WDFY3: variants seen among roughly 807,000 people sequenced by gnomAD.
WDFY3 encodes WD repeat and FYVE domain-containing protein 3.
Under a neutral mutation model 409.6 loss-of-function variants are expected in WDFY3, and 66 were observed. That is an observed-to-expected ratio of 0.16 (90% CI 0.13 to 0.20). WDFY3 has a LOEUF of 0.20. Among genes scored for constraint, WDFY3 ranks in the 10% least tolerant of loss-of-function variants. The pLI is 1.00. For missense variants in WDFY3, 3,031 were observed against 4,298.1 expected, an observed-to-expected ratio of 0.71 and a Z score of 8.24; for synonymous variants, 1,521 against 1,537.1, an observed-to-expected ratio of 0.99 and a Z score of 0.25.
At chr4:84,880,284 A>C (rs890073747) in intron 3 of WDFY3, among the ~76,000 whole-genome samples, 2 of 152,128 alleles carry the variant, frequency 1.3e-5, no homozygotes, top group African/African-American at 4.8e-5. Flanking sequence ...CTGCAAGACC[A>C]GTTTTGGACT....
In WDFY3 at chr4:84,774,903, A is replaced by G. The variant is rs1289012445; in HGVS notation, c.4671T>C (p.Ser1557=). The G allele has an allele frequency of 6.2e-7, 1 of 1,614,014 alleles. No homozygotes were observed. The highest frequency in any genetic ancestry group is 2.2e-5 in the East Asian group (1 of 44,850). The change falls in exon 29 of 68, where the codon TCT becomes TCC. Residue 1557 remains serine (S), a synonymous_variant. Coordinates refer to ENST00000295888, the MANE Select transcript of WDFY3 (RefSeq NM_014991.6). ...PKLLLTLRDM[S]LSQPTIAAIS... is the part of the protein sequence containing the mutation. ...TAGCAGCAATAGTAGGCTGGGATAA[A>G]GACATATCTCGAAGAGTCAGGAGCA...
In WDFY3 at chr4:84,844,466, T is replaced by A. The variant is rs1347358645; in HGVS notation, c.305-3203A>T. 3 of 1,289,746 alleles carry A rather than the reference T, an allele frequency of 2.3e-6. No individual in the cohort carries two copies. The South Asian group carries it at 3.7e-5, about 16-fold the overall frequency. The allele number at this position is 1,289,746 out of a possible 1,614,324, so 79.9% of individuals were successfully genotyped here. A position where few individuals can be genotyped will look rare whatever the true frequency, so the allele number is the denominator to read the frequency against. On this transcript the variant is annotated intron_variant, in intron 5 of 67. Transcript: ENST00000295888. Reference sequence around the variant, plus strand: ...TGGGAATGAAATTACCTGAAGGTGTTGTGGCTTTGAAATCCTTGGGGGACA... The same window carrying A: ...TGGGAATGAAATTACCTGAAGGTGTAGTGGCTTTGAAATCCTTGGGGGACA...
In WDFY3 at chr4:84,692,876, T is replaced by C. The variant is rs377472925; in HGVS notation, c.9049+9A>G. The C allele has an allele frequency of 1.1e-4, 168 of 1,583,890 alleles. No individual in the cohort carries two copies. Among genetic ancestry groups the C allele is most frequent in the Non-Finnish European group, 1.3e-4 (150 of 1,171,524 alleles). On this transcript the variant is annotated intron_variant, in intron 59 of 67. Transcript: ENST00000295888. ...TCATTAATCAAAAGTTTATTTCTCA[T>C]TATTTTACCTTTTACAGGTGTTAGA... is the stretch of plus-strand genomic sequence containing the variant.
At chr4:84,767,623 TAA>T (rs553099141) in intron 30 of WDFY3, among the ~76,000 whole-genome samples, 7 of 131,812 alleles carry the variant, frequency 5.3e-5, no homozygotes, top group Non-Finnish European at 8.4e-5. Context: ...CACGCAATGA[TAA>T]AAAAAAAAAA....
chr4:84,705,296 A>G, intron 54 of WDFY3, 98 bp downstream of exon 54: 1 of 856,854 alleles, frequency 1.2e-6, no homozygotes. Flanking sequence ...TATGATATAT[A>G]AGCAATTTGA....
intron 25 of WDFY3, among the ~76,000 whole-genome samples, chr4:84,780,766 AAAATAAATAAAT>A (rs370562593): frequency 1.9e-4 from 29 of 151,358 alleles, no homozygotes; most frequent in African/African-American, 6.1e-4. Flanking sequence ...TCCCTCTCAA[AAAATAAATAAAT>A]AAATAAATAA....
At chr4:84,819,892 A>G (rs942382643) in intron 12 of WDFY3, among the ~76,000 whole-genome samples, 193 bp downstream of exon 12, 2 of 152,116 alleles carry the variant, frequency 1.3e-5, no homozygotes, top group Non-Finnish European at 2.9e-5. Flanking sequence ...AATAGTAACA[A>G]TCTTATATGT....
intron 1 of WDFY3, among the ~76,000 whole-genome samples, chr4:84,946,595 G>C (rs939660844): frequency 6.6e-6 from 1 of 152,122 alleles, no homozygotes; most frequent in South Asian, 2.1e-4. Context: ...GGAAAGCAAA[G>C]GGAAAGAGAC....
chr4:84,764,096 A>G lies in WDFY3; in HGVS notation c.5188+1714T>C, dbSNP rs1743179554. ...ATGCCTGTCTCCAGAATTATGAAGGACAAATGAGATGATATATGTGAACTA... is the reference window on the plus strand; with the variant it reads ...ATGCCTGTCTCCAGAATTATGAAGGGCAAATGAGATGATATATGTGAACTA... On this transcript the variant is annotated intron_variant, in intron 32 of 67. Coordinates refer to ENST00000295888, the MANE Select transcript of WDFY3 (RefSeq NM_014991.6). 1.3e-5 allele frequency among the ~76,000 whole-genome samples: 2 copies of G among 152,220 alleles called. 1 individual carries two copies. Among genetic ancestry groups the G allele is most frequent in the Non-Finnish European group, 2.9e-5 (2 of 68,032 alleles).
At chr4:84,937,050 G>C (rs1256681618) in intron 1 of WDFY3, among the ~76,000 whole-genome samples, 1 of 152,048 alleles carries the variant, frequency 6.6e-6, no homozygotes, top group African/African-American at 2.4e-5. Context: ...GCCTCTAGAT[G>C]ATGGCCAATA....
At chr4:84,920,748 G>C (rs988946734) in intron 2 of WDFY3, among the ~76,000 whole-genome samples, 1 of 152,116 alleles carries the variant, frequency 6.6e-6, no homozygotes, top group East Asian at 1.9e-4. Flanking sequence ...AGTTAACCTA[G>C]ATTACTCAAT....
intron 3 of WDFY3, among the ~76,000 whole-genome samples, chr4:84,880,559 T>C (rs1366006579): frequency 1.3e-5 from 2 of 150,326 alleles, no homozygotes; most frequent in Admixed American, 1.3e-4. Context: ...GTACATGCCC[T>C]AAGGAAACTC....
rs1345302084 is a variant in WDFY3 at position 84,966,217 on chromosome 4, C to A, written c.-234G>T. The A allele has an allele frequency of 6.6e-6, 1 of 151,248 alleles. No individual in the cohort carries two copies. Among genetic ancestry groups the A allele is most frequent in the African/African-American group, 2.4e-5 (1 of 41,250 alleles). The allele number at this position is 151,248 out of a possible 1,614,324, so 9.4% of individuals were successfully genotyped here. A position where few individuals can be genotyped will look rare whatever the true frequency, so the allele number is the denominator to read the frequency against. On this transcript the variant is annotated 5_prime_UTR_variant, in exon 1 of 68. Coordinates refer to ENST00000295888, the MANE Select transcript of WDFY3 (RefSeq NM_014991.6). ...ATGGCGGGGGTACTCACCTGAGGGC[C>A]GGCGGAGGGCGCGGGCGGGACAGGC...
intron 1 of WDFY3, among the ~76,000 whole-genome samples, chr4:84,937,663 A>G (rs1771598105): frequency 6.6e-6 from 1 of 152,080 alleles, no homozygotes. Context: ...TCTGCTCCCA[A>G]AATCTCCCAG....
intron 1 of WDFY3, among the ~76,000 whole-genome samples, chr4:84,959,838 G>C (rs1774697629): frequency 6.6e-6 from 1 of 152,090 alleles, no homozygotes; most frequent in Admixed American, 6.5e-5. Context: ...CTTCATGGCA[G>C]CAATAAAAAT....
intron 32 of WDFY3, 144 bp from the exon 33 acceptor site, chr4:84,757,305 T>C (rs562993101): frequency 9.6e-6 from 7 of 728,576 alleles, no homozygotes; most frequent in African/African-American, 7.1e-5. Context: ...TATTCAACTG[T>C]TGAATTAATC....
chr4:84,715,778 A>G (rs1166832899), intron 49 of WDFY3, among the ~76,000 whole-genome samples: 1 of 145,710 alleles, frequency 6.9e-6, no homozygotes, highest in East Asian at 2.0e-4. Context: ...CTGTCTCAGA[A>G]AAAAAAAAAA....
intron 2 of WDFY3, among the ~76,000 whole-genome samples, chr4:84,927,932 G>C (rs1770221421): frequency 6.6e-6 from 1 of 152,222 alleles, no homozygotes; most frequent in South Asian, 2.1e-4. Context: ...CAGGCATTGA[G>C]CTCATCCCAT....
At chr4:84,841,446 T>A (rs1317173533) in intron 5 of WDFY3, among the ~76,000 whole-genome samples, 183 bp from the exon 6 acceptor site, 1 of 152,198 alleles carries the variant, frequency 6.6e-6, no homozygotes, top group African/African-American at 2.4e-5. Flanking sequence ...ATATCATTAA[T>A]ACAGAAATGT....
Sources: allele counts gnomAD v4.1 joint callset (sites outside exome capture counted in the v4.1 genomes callset), GRCh38; gene constraint gnomAD v4.1.1; transcripts MANE v1.5; gene names NCBI Gene and HGNC (gene_info 2026-07-23, HGNC 2026-07-21).